The following CNTN5 variants were observed in gnomAD, a reference collection of about 807,000 sequenced individuals.
CNTN5 encodes the protein contactin 5.
In CNTN5, 77 loss-of-function variants were observed where a neutral mutation model predicts 129.1. That is an observed-to-expected ratio of 0.60 (90% CI 0.50 to 0.72). The LOEUF is 0.72. Ranked by LOEUF, CNTN5 falls within the 30% of genes least tolerant of loss-of-function variation. The pLI, the probability that CNTN5 is intolerant of heterozygous loss-of-function variation, is 0.00. For missense variants in CNTN5, 1,478 were observed against 1,328.8 expected, an observed-to-expected ratio of 1.11 and a Z score of -1.75; for synonymous variants, 509 against 465.6, an observed-to-expected ratio of 1.09 and a Z score of -1.20.
At chr11:99,619,637 CTG>C (rs1388324440) in intron 3 of CNTN5, among the ~76,000 whole-genome samples, 1 of 152,084 alleles carries the variant, frequency 6.6e-6, no homozygotes, top group African/African-American at 2.4e-5. Context: ...TTTTGGAACT[CTG>C]TGATCGAGGC....
rs3082693 is a variant in CNTN5, at chr11:99,224,657, A to ATTTTTTTTTTT, written c.-209-100679_-209-100669dup. On this transcript the variant is annotated intron_variant, in intron 1 of 24. Coordinates refer to ENST00000524871, the MANE Select transcript of CNTN5 (RefSeq NM_014361.4). ...AAAGAGTCTCGTCTCCCAAGGTTGC[A>ATTTTTTTTTTT]TTTTTTTTTTTTTTTTTTTTGAGAC... Among the ~76,000 whole-genome samples, 19 of 108,972 alleles carry ATTTTTTTTTTT rather than the reference A, an allele frequency of 1.7e-4. 1 individual carries two copies. Among genetic ancestry groups the ATTTTTTTTTTT allele is most frequent in the Non-Finnish European group, 2.1e-4 (12 of 57,110 alleles). The allele number at this position is 108,972 out of a possible 152,430, so 71.5% of individuals were successfully genotyped here. A position where few individuals can be genotyped will look rare whatever the true frequency, so the allele number is the denominator to read the frequency against.
At chr11:99,035,769 C>T (rs1443112087) in intron 1 of CNTN5, among the ~76,000 whole-genome samples, 1 of 148,784 alleles carries the variant, frequency 6.7e-6, no homozygotes, top group Non-Finnish European at 1.5e-5. Context: ...AGTCCATTTA[C>T]ATTTAAAGTT....
intron 6 of CNTN5, among the ~76,000 whole-genome samples, chr11:99,853,034 C>T (rs753271293): frequency 6.6e-6 from 1 of 151,966 alleles, no homozygotes; most frequent in Non-Finnish European, 1.5e-5. Context: ...AGTATAAAGA[C>T]ACCAATATAG....
intron 1 of CNTN5, among the ~76,000 whole-genome samples, chr11:99,266,449 A>G (rs947034326): frequency 2.0e-5 from 3 of 151,992 alleles, no homozygotes; most frequent in African/African-American, 7.2e-5. Context: ...AGATTTTTTA[A>G]AAGTTATCCA....
intron 4 of CNTN5, chr11:99,844,532 G>T (rs1017297898): frequency 8.5e-6 from 3 of 353,074 alleles, no homozygotes; most frequent in Non-Finnish European, 1.6e-5. Flanking sequence ...TTAAGATATT[G>T]TTTATGCTTA....
chr11:99,777,370 T>C (rs1042790137), intron 3 of CNTN5, among the ~76,000 whole-genome samples: 1 of 151,872 alleles, frequency 6.6e-6, no homozygotes, highest in Non-Finnish European at 1.5e-5. Context: ...GTTTTTTGCA[T>C]TTAGTTATAA....
At chr11:100,016,760 G>T (rs1198794694) in intron 9 of CNTN5, among the ~76,000 whole-genome samples, 1 of 151,796 alleles carries the variant, frequency 6.6e-6, no homozygotes, top group African/African-American at 2.4e-5. Context: ...TCCACAGAAA[G>T]ACTATTGAGA....
chr11:99,396,153 A>G (rs570850015), intron 2 of CNTN5, among the ~76,000 whole-genome samples: 1 of 148,850 alleles, frequency 6.7e-6, no homozygotes, highest in African/African-American at 2.5e-5. Flanking sequence ...TTTTAATGAT[A>G]TTGACTCTTT....
chr11:99,770,776 C>T (rs1434870182), intron 3 of CNTN5, among the ~76,000 whole-genome samples: 1 of 151,812 alleles, frequency 6.6e-6, no homozygotes, highest in Non-Finnish European at 1.5e-5. Context: ...ATAAAAATTT[C>T]AATGGATTTT....
chr11:99,739,879 G>C (rs568192830), intron 3 of CNTN5, among the ~76,000 whole-genome samples: 1 of 152,204 alleles, frequency 6.6e-6, no homozygotes, highest in Non-Finnish European at 1.5e-5. Context: ...AAAAACTTTA[G>C]CTGGCACAAG....
intron 2 of CNTN5, among the ~76,000 whole-genome samples, chr11:99,434,051 GC>G (rs1348606411): frequency 6.6e-6 from 1 of 152,046 alleles, no homozygotes; most frequent in Non-Finnish European, 1.5e-5. Context: ...TGTGCTCAGT[GC>G]CATACCTACA....
rs140839071 is a variant in CNTN5 at position 99,658,082 on chromosome 11, T to C, written c.55+101813T>C. Among the ~76,000 whole-genome samples the C allele has an allele frequency of 2.2e-3, 341 of 152,250 alleles. 1 individual carries two copies. The highest frequency in any genetic ancestry group is 7.5e-3 in the African/African-American group (311 of 41,580). ...TCAAACACCTTTTTAGGTGCTAGGA[T>C]GTAGCTGTGAACAAAACACCTCTTG... On this transcript the variant is annotated intron_variant, in intron 3 of 24. Coordinates refer to ENST00000524871, the MANE Select transcript of CNTN5 (RefSeq NM_014361.4).
At chr11:99,543,960 G>T (rs185711781) in intron 2 of CNTN5, among the ~76,000 whole-genome samples, 1 of 150,484 alleles carries the variant, frequency 6.6e-6, no homozygotes, top group East Asian at 1.9e-4. Flanking sequence ...AATAAAGTAG[G>T]GGTAGTATTA....
chr11:99,100,252 T>C (rs1866658808), intron 1 of CNTN5, among the ~76,000 whole-genome samples: 1 of 152,110 alleles, frequency 6.6e-6, no homozygotes, highest in Non-Finnish European at 1.5e-5. Context: ...TTCTCTTTCT[T>C]TGCCAGCCCT....
In CNTN5 at chr11:100,350,845, T is replaced by C. The variant is rs202077975; in HGVS notation, c.3174T>C (p.Ser1058=). ...AAGGAGGAGATGGAACAGCTAGTTC[T>C]CAAATTAGGGTACCATCATATTCAG... The part of the protein sequence containing the change: ...YSEGGDGTAS[S]QIRVPSYSGG... The change falls in exon 24 of 25, where the codon TCT becomes TCC. Residue 1058 remains serine, a synonymous_variant. Coordinates refer to ENST00000524871, the MANE Select transcript of CNTN5 (RefSeq NM_014361.4). The C allele has an allele frequency of 1.6e-5, 26 of 1,592,190 alleles. No individual in the cohort carries two copies. The Middle Eastern group carries it at 5.0e-4, about 31-fold the overall frequency.
At chr11:99,577,152 G>C (rs1034466440) in intron 3 of CNTN5, among the ~76,000 whole-genome samples, 1 of 152,156 alleles carries the variant, frequency 6.6e-6, no homozygotes, top group Non-Finnish European at 1.5e-5. Context: ...TTAAGAGGGA[G>C]GTTGAAGGAT....
intron 9 of CNTN5, among the ~76,000 whole-genome samples, chr11:100,047,871 G>A (rs888732597): frequency 6.6e-6 from 1 of 152,142 alleles, no homozygotes; most frequent in Non-Finnish European, 1.5e-5. Context: ...GGTGGTTCAC[G>A]CTGTAATCCC....
At chr11:99,874,465 A>G (rs1472483527) in intron 6 of CNTN5, among the ~76,000 whole-genome samples, 1 of 152,108 alleles carries the variant, frequency 6.6e-6, no homozygotes, top group Non-Finnish European at 1.5e-5. Context: ...GATGATGGTG[A>G]TGAATTCTTT....
intron 3 of CNTN5, among the ~76,000 whole-genome samples, chr11:99,804,684 T>C (rs941076082): frequency 1.3e-5 from 2 of 151,488 alleles, no homozygotes; most frequent in Admixed American, 6.6e-5. Flanking sequence ...AAACTCTTAA[T>C]ATGGAAGGAA....
Sources: gnomAD v4.1 joint callset for allele counts (sites outside exome capture counted in the v4.1 genomes callset) on GRCh38, gnomAD v4.1.1 for gene constraint, MANE v1.5 for transcripts, NCBI Gene and HGNC (gene_info 2026-07-23, HGNC 2026-07-21) for gene names.